The following ATP8A2 variants were observed in gnomAD, a reference collection of about 807,000 sequenced individuals.
The protein encoded by ATP8A2 is ATPase phospholipid transporting 8A2.
In ATP8A2, 100 loss-of-function variants were observed where a neutral mutation model predicts 165.6. The ratio of observed to expected loss-of-function variants is 0.60; its 90% CI spans 0.51 to 0.71. The LOEUF is 0.71. Among genes scored for constraint, ATP8A2 ranks in the 30% least tolerant of loss-of-function variants. ATP8A2 has a pLI of 0.00. For synonymous variants in ATP8A2, 543 were observed against 548.8 expected, an observed-to-expected ratio of 0.99 and a Z score of 0.15; for missense variants, 1,227 against 1,479.5, an observed-to-expected ratio of 0.83 and a Z score of 2.80.
intron 25 of ATP8A2, among the ~76,000 whole-genome samples, chr13:25,747,059 C>A (rs941493881): frequency 1.3e-5 from 2 of 152,126 alleles, no homozygotes; most frequent in African/African-American, 4.8e-5. Flanking sequence ...GTTTCCTGAC[C>A]TCATCCAAGG....
chr13:25,730,838 G>A (rs1307765168), intron 25 of ATP8A2, among the ~76,000 whole-genome samples: 2 of 151,982 alleles, frequency 1.3e-5, no homozygotes, highest in Non-Finnish European at 2.9e-5. Context: ...CACTTTGGGA[G>A]GCCAAGACAG....
intron 2 of ATP8A2, among the ~76,000 whole-genome samples, chr13:25,485,432 A>G (rs1324133852): frequency 2.6e-5 from 4 of 152,234 alleles, no homozygotes; most frequent in Non-Finnish European, 5.9e-5. Flanking sequence ...TCATACTTTT[A>G]CCAACCTCCT....
chr13:25,667,085 A>T (rs532021112), intron 24 of ATP8A2, among the ~76,000 whole-genome samples: 1 of 152,322 alleles, frequency 6.6e-6, no homozygotes, highest in East Asian at 1.9e-4. Flanking sequence ...ACCTCTGTCT[A>T]GTTCCAAAAC....
intron 24 of ATP8A2, 134 bp from the exon 25 acceptor site, chr13:25,699,039 G>A: frequency 1.5e-6 from 1 of 654,960 alleles, no homozygotes; most frequent in Non-Finnish European, 2.4e-6. Flanking sequence ...GTATAAATGT[G>A]CAAAGCTGAA....
At chr13:25,684,232 T>C (rs1286256947) in intron 24 of ATP8A2, among the ~76,000 whole-genome samples, 4 of 152,260 alleles carry the variant, frequency 2.6e-5, no homozygotes, top group African/African-American at 9.6e-5. Context: ...ACAGTCCTAG[T>C]AGTGAATGAT....
chr13:25,513,741 G>T (rs961544337), intron 2 of ATP8A2, among the ~76,000 whole-genome samples: 1 of 152,206 alleles, frequency 6.6e-6, no homozygotes, highest in Non-Finnish European at 1.5e-5. Flanking sequence ...GATCACTCGC[G>T]GTTAGGAGCT....
intron 30 of ATP8A2, among the ~76,000 whole-genome samples, chr13:25,854,720 T>A (rs1019239898): frequency 1.3e-5 from 2 of 152,236 alleles, no homozygotes; most frequent in African/African-American, 4.8e-5. Flanking sequence ...GGAAATGTTC[T>A]GTATCTGTAC....
intron 27 of ATP8A2, among the ~76,000 whole-genome samples, chr13:25,790,046 A>G (rs749008547): frequency 1.3e-5 from 2 of 152,218 alleles, no homozygotes; most frequent in African/African-American, 2.4e-5. Context: ...AAACTGTACC[A>G]TTCCTTACAT....
At chr13:25,430,995 A>AAC (rs543580202) in intron 1 of ATP8A2, among the ~76,000 whole-genome samples, 6,210 of 151,180 alleles carry the variant, frequency 0.041, 326 homozygotes, top group African/African-American at 0.12. Context: ...TCCTTCCTAA[A>AAC]ACACACACAC....
chr13:25,986,841 T>A (rs550862305), intron 35 of ATP8A2, among the ~76,000 whole-genome samples: 43 of 152,324 alleles, frequency 2.8e-4, no homozygotes, highest in African/African-American at 9.4e-4. Flanking sequence ...CTGTAAAGAA[T>A]AAGGACCATT....
intron 10 of ATP8A2, among the ~76,000 whole-genome samples, chr13:25,550,872 G>A (rs9578888): frequency 0.65 from 98,172 of 151,994 alleles, 32,822 homozygotes; most frequent in Middle Eastern, 0.72. Context: ...TCTGAGCTCC[G>A]GGAGGAAAAA....
chr13:25,422,138 G>T (rs183923275), intron 1 of ATP8A2, among the ~76,000 whole-genome samples: 3 of 152,060 alleles, frequency 2.0e-5, no homozygotes, highest in African/African-American at 7.2e-5. Flanking sequence ...TTTCTGGCTT[G>T]TTCCTATAGT....
chr13:25,976,588 T>C (rs1386925921), intron 35 of ATP8A2, among the ~76,000 whole-genome samples: 1 of 151,560 alleles, frequency 6.6e-6, no homozygotes, highest in African/African-American at 2.4e-5. Context: ...GTCTGCTGTC[T>C]GGTGAAGCTG....
chr13:25,611,559 AAGG>A (rs984647768), intron 24 of ATP8A2, among the ~76,000 whole-genome samples: 3 of 152,054 alleles, frequency 2.0e-5, no homozygotes, highest in African/African-American at 7.2e-5. Flanking sequence ...GCATTTTGTT[AAGG>A]ATGTTTGCAT....
intron 24 of ATP8A2, among the ~76,000 whole-genome samples, chr13:25,615,094 G>A (rs564017659): frequency 1.4e-4 from 21 of 152,232 alleles, no homozygotes; most frequent in African/African-American, 5.1e-4. Context: ...GGGCCATAGA[G>A]CTCCGAAGAG....
At chr13:25,883,639 A>C (rs925800451) in intron 33 of ATP8A2, among the ~76,000 whole-genome samples, 1 of 152,246 alleles carries the variant, frequency 6.6e-6, no homozygotes, top group Non-Finnish European at 1.5e-5. Flanking sequence ...ACAGTCTGGC[A>C]TTGCCAACAT....
At chr13:25,929,035 G>A (rs1464043090) in intron 33 of ATP8A2, among the ~76,000 whole-genome samples, 1 of 151,954 alleles carries the variant, frequency 6.6e-6, no homozygotes, top group Non-Finnish European at 1.5e-5. Flanking sequence ...TTTTCTATGT[G>A]CTTAAGGCTA....
At chr13:25,710,850 A>ATCTCTTGATGCCATCCTAATG (rs1216126804) in intron 25 of ATP8A2, among the ~76,000 whole-genome samples, 4 of 152,106 alleles carry the variant, frequency 2.6e-5, no homozygotes, top group African/African-American at 9.7e-5. Context: ...TCAAGAGGCT[A>ATCTCTTGATGCCATCCTAATG]GCACTCAAGC....
At position 25,791,536 on chromosome 13, in the gene ATP8A2, C is replaced by CACACGT. The variant is rs1555267331; in HGVS notation, c.2679+16581_2679+16582insGTACAC. ...ATGTATCCCCGAACTTAAACACACA[C>CACACGT]ACACATACACACACACACACACACA... On this transcript the variant is annotated intron_variant, in intron 27 of 36. Transcript: ENST00000381655. Among the ~76,000 whole-genome samples the CACACGT allele has an allele frequency of 3.5e-5, 4 of 114,806 alleles. No homozygotes were observed. The East Asian group carries it at 1.2e-3, about 34-fold the overall frequency. The allele number at this position is 114,806 out of a possible 152,430, so 75.3% of individuals were successfully genotyped here. A position where few individuals can be genotyped will look rare whatever the true frequency, so the allele number is the denominator to read the frequency against.
Sources: allele counts gnomAD v4.1 joint callset (sites outside exome capture counted in the v4.1 genomes callset), GRCh38; gene constraint gnomAD v4.1.1; transcripts MANE v1.5; gene names NCBI Gene and HGNC (gene_info 2026-07-23, HGNC 2026-07-21).